The following PBRM1 variants were observed in gnomAD, a reference collection of about 807,000 sequenced individuals.
PBRM1 encodes the protein protein polybromo-1.
PBRM1 carries 27 observed loss-of-function variants against 194.5 expected under a neutral mutation model. That is an observed-to-expected ratio of 0.14 (90% CI 0.10 to 0.19). PBRM1 has a LOEUF of 0.19. PBRM1 is among the 10% of genes least tolerant of loss of function. The pLI is 1.00. For synonymous variants in PBRM1, 655 were observed against 693.2 expected (o/e 0.94, Z 0.87); for missense variants, 1,466 against 2,077.2 (o/e 0.71, Z 5.72).
rs534391770 is a variant in PBRM1 at position 52,554,826 on chromosome 3, C to T, written c.4507G>A (p.Gly1503Ser). The T allele has an allele frequency of 3.8e-5, 61 of 1,599,666 alleles. No homozygotes were observed. In the South Asian group the frequency reaches 6.3e-4, roughly 17 times the overall value. Reference sequence around the variant, plus strand: ...TGCATGCTGCCCATGCTAACAAGGCCATCAACTGGGCCCTGCAAAGGTGGA... The same window carrying T: ...TGCATGCTGCCCATGCTAACAAGGCTATCAACTGGGCCCTGCAAAGGTGGA... Residue 1503 changes from glycine (G) to serine (S), a missense_variant, in exon 27 of 30, where the codon GGC (glycine) becomes AGC (serine). Physicochemically the swap from Gly to Ser is moderately conservative, Grantham distance 56. Transcript: ENST00000296302.
rs1320253174 is a variant in PBRM1 at position 52,619,867 on chromosome 3, A to C, written c.1542-2329T>G. Among the ~76,000 whole-genome samples, 5 of 152,216 alleles carry C rather than the reference A, an allele frequency of 3.3e-5. No homozygotes were observed. The East Asian group carries it at 9.6e-4, about 29-fold the overall frequency. ...TAACTCAAGGCAAACAAAGTGATTT[A>C]ATTAGGAAAAAAACAGACAAGAGCC... On this transcript the variant is annotated intron_variant, in intron 13 of 29. Coordinates refer to ENST00000296302, the Ensembl canonical transcript of PBRM1.
chr3:52,561,324 T>G (rs1458258701), intron 25 of PBRM1, among the ~76,000 whole-genome samples: 1 of 152,136 alleles, frequency 6.6e-6, no homozygotes, highest in African/African-American at 2.4e-5. Context: ...AACCAAGCAC[T>G]TTAGCAAAGA....
intron 16 of PBRM1, among the ~76,000 whole-genome samples, chr3:52,604,511 A>C (rs1417046408): frequency 6.6e-6 from 1 of 152,128 alleles, no homozygotes; most frequent in Non-Finnish European, 1.5e-5. Flanking sequence ...GACCAGCCTA[A>C]GCAACACAGC....
chr3:52,588,526 C>T (rs2092673998), intron 18 of PBRM1, among the ~76,000 whole-genome samples: 1 of 150,958 alleles, frequency 6.6e-6, no homozygotes, highest in Non-Finnish European at 1.5e-5. Context: ...GAATCTCAAC[C>T]AGACTTTAAG....
intron 17 of PBRM1, among the ~76,000 whole-genome samples, chr3:52,589,805 C>T (rs760463770): frequency 3.3e-5 from 5 of 151,940 alleles, no homozygotes; most frequent in Admixed American, 6.6e-5. Flanking sequence ...AGAGGAAATG[C>T]TTTTCAAAAT....
intron 5 of PBRM1, among the ~76,000 whole-genome samples, chr3:52,655,115 T>G (rs2096584896): frequency 1.3e-5 from 2 of 152,174 alleles, no homozygotes; most frequent in South Asian, 4.1e-4. Context: ...ATTTGCCATT[T>G]TTAAGTGTAC....
chr3:52,619,550 T>C (rs1350560285), intron 13 of PBRM1, among the ~76,000 whole-genome samples: 2 of 152,228 alleles, frequency 1.3e-5, no homozygotes, highest in Non-Finnish European at 2.9e-5. Context: ...GTGGAAGCCA[T>C]GGATACAGAG....
chr3:52,624,887 G>T lies in PBRM1; in HGVS notation c.1541+2386C>A. The T allele has an allele frequency of 6.6e-7, 1 of 1,523,560 alleles. No individual in the cohort carries two copies. The highest frequency in any genetic ancestry group is 8.9e-7 in the Non-Finnish European group (1 of 1,122,462). The allele number at this position is 1,523,560 out of a possible 1,614,324, so 94.4% of individuals were successfully genotyped here. The stretch of plus-strand genomic sequence containing the variant: ...AAAAGAATGTTTATGCATAAAAAAG[G>T]ACTGCACACCTGGATAGCCTCCTGA... On this transcript the variant is annotated intron_variant, in intron 13 of 29. Transcript: ENST00000296302.
At chr3:52,593,113 T>C (rs1290926598) in intron 17 of PBRM1, among the ~76,000 whole-genome samples, 1 of 152,212 alleles carries the variant, frequency 6.6e-6, no homozygotes, top group Non-Finnish European at 1.5e-5. Context: ...CTAGATTTGT[T>C]AATCTTTTGA....
intron 17 of PBRM1, among the ~76,000 whole-genome samples, chr3:52,601,921 G>A (rs1316870430): frequency 2.0e-5 from 3 of 152,144 alleles, no homozygotes; most frequent in Admixed American, 6.5e-5. Flanking sequence ...TACCCGGACC[G>A]ACAGGTAACA....
intron 5 of PBRM1, among the ~76,000 whole-genome samples, chr3:52,656,313 C>CA (rs1415605939): frequency 6.6e-6 from 1 of 152,044 alleles, no homozygotes; most frequent in Non-Finnish European, 1.5e-5. Flanking sequence ...AGGAAGAACT[C>CA]ATTTATCTTC....
At chr3:52,606,889 T>G (rs1042816276) in intron 16 of PBRM1, among the ~76,000 whole-genome samples, 1 of 152,208 alleles carries the variant, frequency 6.6e-6, no homozygotes, top group African/African-American at 2.4e-5. Flanking sequence ...TAAATACTGT[T>G]GATGGACAAA....
In PBRM1 at chr3:52,678,612, A is replaced by G. The variant is rs888050667; in HGVS notation, c.139-15T>C. ...CACACGGCAATCTACACATTAGCAA[A>G]GGAGAAAAAAATCACTAAAAAAGTG... On this transcript the variant is annotated splice_polypyrimidine_tract_variant and intron_variant, in intron 1 of 29. Transcript: ENST00000296302. 5 of 1,533,042 alleles carry G rather than the reference A, an allele frequency of 3.3e-6. No individual in the cohort carries two copies. The highest frequency in any genetic ancestry group is 4.5e-6 in the Non-Finnish European group (5 of 1,107,910). The allele number at this position is 1,533,042 out of a possible 1,614,324, so 95.0% of individuals were successfully genotyped here.
rs779441586 is a variant in PBRM1, at chr3:52,563,534, C to T, written c.3876-41G>A. On this transcript the variant is annotated intron_variant, in intron 23 of 29. Transcript: ENST00000296302. ...TAAAAAACCTAAAATCACCTAATGC[C>T]CCTCCAGAATAAGCCGGAAAGCAGT... 6 of 1,410,416 alleles carry T rather than the reference C, an allele frequency of 4.3e-6. No homozygotes were observed. The Middle Eastern group carries it at 5.3e-4, about 125-fold the overall frequency. 87.4% of individuals were successfully genotyped at this position (1,410,416 alleles called of 1,614,324 possible).
chr3:52,580,810 G>A (rs1451424420), intron 20 of PBRM1, among the ~76,000 whole-genome samples: 2 of 152,264 alleles, frequency 1.3e-5, no homozygotes, highest in African/African-American at 2.4e-5. Flanking sequence ...GGTTGTTTAC[G>A]AAGCTTAAGT....
chr3:52,594,996 T>C (rs557824127), intron 17 of PBRM1, among the ~76,000 whole-genome samples: 2 of 152,322 alleles, frequency 1.3e-5, no homozygotes, highest in South Asian at 4.1e-4. Flanking sequence ...TCTTTCATTT[T>C]GACCTTGGAG....
At chr3:52,572,964 C>A (rs2087939270) in intron 22 of PBRM1, among the ~76,000 whole-genome samples, 1 of 152,220 alleles carries the variant, frequency 6.6e-6, no homozygotes, top group Admixed American at 6.5e-5. Flanking sequence ...ACAAGCTAGG[C>A]TGAAATCCCA....
intron 16 of PBRM1, among the ~76,000 whole-genome samples, chr3:52,606,062 C>T (rs1402625398): frequency 1.3e-5 from 2 of 152,068 alleles, no homozygotes; most frequent in Admixed American, 6.5e-5. Context: ...TACAGTGGCA[C>T]GATCATGGCT....
rs2084462722 is a variant in PBRM1 at position 52,564,358 on chromosome 3, G to A, written c.3692-125C>T. On this transcript the variant is annotated intron_variant, in intron 22 of 29. Transcript: ENST00000296302. ...ATTAACAATTTTAAAGATATGAAAGGGGCTAGGCATGGTGGCTCAAGCCTG... is the reference window on the plus strand; with the variant it reads ...ATTAACAATTTTAAAGATATGAAAGAGGCTAGGCATGGTGGCTCAAGCCTG... 1.5e-5 allele frequency: 11 copies of A among 731,850 alleles called. No homozygotes were observed. In the East Asian group the frequency reaches 3.0e-4, roughly 20 times the overall value. The allele number at this position is 731,850 out of a possible 1,614,324, so 45.3% of individuals were successfully genotyped here.
Sources: allele counts gnomAD v4.1 joint callset (sites outside exome capture counted in the v4.1 genomes callset), GRCh38; gene constraint gnomAD v4.1.1; transcripts MANE v1.5; gene names NCBI Gene and HGNC (gene_info 2026-07-23, HGNC 2026-07-21).